TYW1: variants seen among roughly 807,000 people sequenced by gnomAD.
TYW1 encodes the protein tRNA-yW synthesizing protein 1 homolog.
A neutral mutation model predicts 96.2 loss-of-function variants in TYW1; 46 were observed. That is an observed-to-expected ratio of 0.48 (90% CI 0.38 to 0.61). The LOEUF (loss-of-function observed/expected upper bound fraction) is 0.61. Among genes scored for constraint, TYW1 ranks in the 20% least tolerant of loss-of-function variants. TYW1 has a pLI of 0.00. For missense variants in TYW1, 684 were observed against 909.6 expected (o/e 0.75, Z 3.19); for synonymous variants, 274 against 323.0 (o/e 0.85, Z 1.63).
chr7:67,190,893 C>T (rs1359608915), intron 14 of TYW1, among the ~76,000 whole-genome samples: 4 of 152,152 alleles, frequency 2.6e-5, no homozygotes, highest in Non-Finnish European at 5.9e-5. Context: ...ATAGTCAAAC[C>T]AGCAAAATAC....
chr7:67,206,032 C>T (rs1400636913), intron 15 of TYW1, among the ~76,000 whole-genome samples: 4 of 152,194 alleles, frequency 2.6e-5, no homozygotes, highest in African/African-American at 7.2e-5. Context: ...GGGAGAGGCA[C>T]GTCTACTCCA....
chr7:67,173,599 C>T (rs1165018533), intron 13 of TYW1, among the ~76,000 whole-genome samples: 3 of 148,466 alleles, frequency 2.0e-5, no homozygotes, highest in Non-Finnish European at 4.5e-5. Flanking sequence ...TTATTTCTTT[C>T]TTCCAAATCT....
At chr7:67,121,975 T>C (rs1454590984) in intron 13 of TYW1, among the ~76,000 whole-genome samples, 1 of 143,416 alleles carries the variant, frequency 7.0e-6, no homozygotes, top group Admixed American at 6.9e-5. Context: ...CTGTCCGCGA[T>C]AGCTACTTGT....
At chr7:67,167,492 AAAGG>A (rs1486483482) in intron 13 of TYW1, among the ~76,000 whole-genome samples, 6 of 145,738 alleles carry the variant, frequency 4.1e-5, no homozygotes, top group Non-Finnish European at 9.1e-5. Context: ...AAAAAAAAAA[AAAGG>A]AAAGTCATGA....
chr7:67,227,823 C>T (rs574995853), intron 15 of TYW1, among the ~76,000 whole-genome samples: 6 of 152,286 alleles, frequency 3.9e-5, no homozygotes, highest in East Asian at 3.9e-4. Context: ...ATAGGACAAC[C>T]GGAAGCTCCA....
At chr7:67,170,105 T>C (rs1799470570) in intron 13 of TYW1, among the ~76,000 whole-genome samples, 2 of 152,224 alleles carry the variant, frequency 1.3e-5, no homozygotes, top group South Asian at 4.1e-4. Context: ...TGAGCAGTTT[T>C]GAGTTAATTT....
At chr7:67,188,399 G>A (rs1800097491) in intron 14 of TYW1, among the ~76,000 whole-genome samples, 1 of 152,094 alleles carries the variant, frequency 6.6e-6, no homozygotes, top group Non-Finnish European at 1.5e-5. Context: ...CTAGCAATAT[G>A]GCAGGCTATA....
chr7:67,017,936 TA>T lies in TYW1; in HGVS notation c.658del (p.Ser220AlafsTer89). On this transcript the variant is annotated frameshift_variant, in exon 6 of 16. Transcript: ENST00000359626. LOFTEE classifies it high-confidence loss of function. ...SRGEGDCDVV[K>X]SKHGSIEADF... ...GAGGGGAGGGCGACTGCGACGTGGT[TA>T]AAAGCAAGCACGGCAGCATTGAGGC... is the stretch of plus-strand genomic sequence containing the variant. 1 of 1,614,106 alleles carries T rather than the reference TA, an allele frequency of 6.2e-7. No individual in the cohort carries two copies. The highest frequency in any genetic ancestry group is 2.2e-5 in the East Asian group (1 of 44,876).
At chr7:67,221,134 A>G (rs1801380743) in intron 15 of TYW1, among the ~76,000 whole-genome samples, 1 of 152,234 alleles carries the variant, frequency 6.6e-6, no homozygotes, top group South Asian at 2.1e-4. Context: ...TCTCCTTTCA[A>G]TTATATCAAT....
In TYW1 at chr7:67,010,445, C is replaced by T. The variant is rs1793752973; in HGVS notation, c.375+761C>T. ...CTCCTAAAGTAGCTGAGACTACAGG[C>T]ATGTGCTGCCATGCCCTGCTAATTT... On this transcript the variant is annotated intron_variant, in intron 4 of 15. Transcript: ENST00000359626. Among the ~76,000 whole-genome samples the T allele has an allele frequency of 2.6e-5, 4 of 152,002 alleles. No homozygotes were observed. In the South Asian group the frequency reaches 8.3e-4, roughly 32 times the overall value.
intron 13 of TYW1, among the ~76,000 whole-genome samples, chr7:67,136,345 GATGTT>G: frequency 6.6e-6 from 1 of 152,250 alleles, no homozygotes; most frequent in East Asian, 1.9e-4. Context: ...TATGTACTGT[GATGTT>G]AAGATTTTCA....
chr7:67,207,504 T>C (rs1330758426), intron 15 of TYW1, among the ~76,000 whole-genome samples: 1 of 152,184 alleles, frequency 6.6e-6, no homozygotes, highest in African/African-American at 2.4e-5. Flanking sequence ...CCTTCCTTTT[T>C]CTGCAGCAGG....
intron 15 of TYW1, among the ~76,000 whole-genome samples, chr7:67,197,964 C>A (rs1800457659): frequency 1.4e-5 from 2 of 144,676 alleles, no homozygotes; most frequent in African/African-American, 2.6e-5. Context: ...CCCCTGCCCC[C>A]CGCCCCCGCA....
At chr7:67,098,517 G>A (rs769831678) in intron 11 of TYW1, 24 bp from the exon 12 acceptor site, 7 of 1,535,466 alleles carry the variant, frequency 4.6e-6, no homozygotes, top group Non-Finnish European at 4.4e-6. Context: ...TATGTAGCTG[G>A]GTCCTTCTCA....
intron 13 of TYW1, among the ~76,000 whole-genome samples, chr7:67,156,149 C>T (rs1044216251): frequency 6.6e-6 from 1 of 151,992 alleles, no homozygotes; most frequent in Non-Finnish European, 1.5e-5. Context: ...GCTGTGGGGT[C>T]CTGGTCGGGC....
intron 14 of TYW1, 144 bp downstream of exon 14, chr7:67,183,380 C>T (rs1799903318): frequency 4.2e-6 from 3 of 719,732 alleles, no homozygotes; most frequent in African/African-American, 3.5e-5. Context: ...CGATATTCAT[C>T]AAGAACCTGG....
chr7:67,087,497 G>A (rs1354445706), intron 11 of TYW1, among the ~76,000 whole-genome samples: 1 of 152,170 alleles, frequency 6.6e-6, no homozygotes, highest in African/African-American at 2.4e-5. Context: ...AAGATGGAAG[G>A]AATGATCCCC....
intron 7 of TYW1, among the ~76,000 whole-genome samples, chr7:67,025,676 A>G (rs1794426811): frequency 1.3e-5 from 2 of 152,176 alleles, no homozygotes; most frequent in Non-Finnish European, 2.9e-5. Flanking sequence ...CCAATCTGGG[A>G]TGTGACTGTT....
intron 6 of TYW1, among the ~76,000 whole-genome samples, chr7:67,021,160 T>C (rs1794249575): frequency 6.6e-6 from 1 of 152,292 alleles, no homozygotes; most frequent in Non-Finnish European, 1.5e-5. Flanking sequence ...TTTATCCTTG[T>C]CTATATTCTT....
Sources: gnomAD v4.1 joint callset for allele counts (sites outside exome capture counted in the v4.1 genomes callset) on GRCh38, gnomAD v4.1.1 for gene constraint, MANE v1.5 for transcripts, NCBI Gene and HGNC (gene_info 2026-07-23, HGNC 2026-07-21) for gene names.